The following RAP2A variants were observed in gnomAD, a reference collection of about 807,000 sequenced individuals.
RAP2A encodes RAP2A, member of RAS oncogene family.
RAP2A carries 5 observed loss-of-function variants against 15.1 expected under a neutral mutation model. The ratio of observed to expected loss-of-function variants is 0.33; its 90% CI spans 0.17 to 0.70. The LOEUF is 0.70. RAP2A is among the 30% of genes least tolerant of loss of function. The pLI is 0.68. For missense variants in RAP2A, 111 were observed against 240.3 expected (o/e 0.46, Z 3.56); for synonymous variants, 110 against 99.7 (o/e 1.10, Z -0.62).
chr13:97,464,096 G>A (rs1350043431), intron 1 of RAP2A, 109 bp from the exon 2 acceptor site: 2 of 942,740 alleles, frequency 2.1e-6, no homozygotes, highest in South Asian at 1.5e-5. Context: ...TCATGCAACT[G>A]AAGATACCAT....
At chr13:97,444,874 A>C (rs74105466) in intron 1 of RAP2A, among the ~76,000 whole-genome samples, 5,112 of 152,250 alleles carry the variant, frequency 0.034, 280 homozygotes, top group African/African-American at 0.12. Context: ...TAGTCTCTTC[A>C]GGCTGCTATA....
At chr13:97,461,967 A>T (rs1274686793) in intron 1 of RAP2A, among the ~76,000 whole-genome samples, 9 of 138,572 alleles carry the variant, frequency 6.5e-5, no homozygotes, top group Non-Finnish European at 1.1e-4. Flanking sequence ...CGTCTCAAAA[A>T]AAAAATATAT....
At chr13:97,451,753 G>T (rs1463948367) in intron 1 of RAP2A, among the ~76,000 whole-genome samples, 1 of 149,494 alleles carries the variant, frequency 6.7e-6, no homozygotes, top group African/African-American at 2.5e-5. Context: ...CAAAGTAGTT[G>T]TAAACAGCAA....
Position 97,466,122 on chromosome 13 carries a change from TTTAAATTA to T in RAP2A, c.*1686_*1693del, listed in dbSNP as rs1415109283. On this transcript the variant is annotated 3_prime_UTR_variant, in exon 2 of 2. Transcript: ENST00000245304. The stretch of plus-strand genomic sequence containing the variant: ...TATAGTGTATCAAAAACTTTTTTCT[TTTAAATTA>T]TTAAAGTGTCTTTTATACTTTTATG... 1.3e-5 allele frequency: 2 copies of T among 152,162 alleles called. No individual in the cohort carries two copies. Among genetic ancestry groups the T allele is most frequent in the Non-Finnish European group, 2.9e-5 (2 of 68,034 alleles). 9.4% of individuals were successfully genotyped at this position (152,162 alleles called of 1,614,324 possible). A position where few individuals can be genotyped will look rare whatever the true frequency, so the allele number is the denominator to read the frequency against.
intron 1 of RAP2A, among the ~76,000 whole-genome samples, chr13:97,458,166 C>G (rs1265255743): frequency 2.0e-5 from 3 of 152,032 alleles, no homozygotes; most frequent in African/African-American, 4.8e-5. Context: ...GACGTTTTGC[C>G]TTGGGACTCT....
intron 1 of RAP2A, among the ~76,000 whole-genome samples, chr13:97,459,138 T>G (rs1034657470): frequency 6.6e-6 from 1 of 152,322 alleles, no homozygotes; most frequent in East Asian, 1.9e-4. Flanking sequence ...TGGTGAGATA[T>G]CTGCTGATGT....
intron 1 of RAP2A, among the ~76,000 whole-genome samples, chr13:97,462,579 A>G (rs1345025244): frequency 1.3e-5 from 2 of 152,218 alleles, no homozygotes; most frequent in Non-Finnish European, 2.9e-5. Context: ...AAGGCCCGAA[A>G]TCGTAAGGTA....
At chr13:97,439,230 A>G (rs1281296008) in intron 1 of RAP2A, among the ~76,000 whole-genome samples, 1 of 152,240 alleles carries the variant, frequency 6.6e-6, no homozygotes, top group African/African-American at 2.4e-5. Flanking sequence ...TTGATCATGT[A>G]GTCAAGGACC....
At chr13:97,457,141 CT>C (rs1566474752) in intron 1 of RAP2A, among the ~76,000 whole-genome samples, 1 of 151,944 alleles carries the variant, frequency 6.6e-6, no homozygotes, top group Non-Finnish European at 1.5e-5. Context: ...TTCACTGAAA[CT>C]TTGTGTGTGT....
chr13:97,459,810 CTTG>C (rs1282016981), intron 1 of RAP2A, among the ~76,000 whole-genome samples: 1 of 152,172 alleles, frequency 6.6e-6, no homozygotes, highest in Non-Finnish European at 1.5e-5. Context: ...CCAGAATTGA[CTTG>C]TTATGTTTAT....
chr13:97,457,945 A>T (rs1358971937), intron 1 of RAP2A, among the ~76,000 whole-genome samples: 1 of 152,176 alleles, frequency 6.6e-6, no homozygotes, highest in Non-Finnish European at 1.5e-5. Flanking sequence ...AGAATCTATG[A>T]GAAGAAGGGG....
chr13:97,452,992 A>G (rs946786155), intron 1 of RAP2A, among the ~76,000 whole-genome samples: 12 of 150,260 alleles, frequency 8.0e-5, no homozygotes, highest in Non-Finnish European at 1.5e-4. Context: ...GGTATCCACA[A>G]CCCTTACTTT....
At position 97,466,961 on chromosome 13, in the gene RAP2A, G is replaced by T. The variant is rs2066774640; in HGVS notation, c.*2519G>T. 1 of 152,286 alleles carries T rather than the reference G, an allele frequency of 6.6e-6. No homozygotes were observed. Among genetic ancestry groups the T allele is most frequent in the African/African-American group, 2.4e-5 (1 of 41,440 alleles). The allele number at this position is 152,286 out of a possible 1,614,324, so 9.4% of individuals were successfully genotyped here. On this transcript the variant is annotated 3_prime_UTR_variant, in exon 2 of 2. Transcript: ENST00000245304. ...GTAATAAAACACTTAAGAACAGGAA[G>T]ATTACATTTGTTGGCATACGAAACC...
chr13:97,442,729 C>CT (rs1469392294), intron 1 of RAP2A, among the ~76,000 whole-genome samples: 1 of 152,116 alleles, frequency 6.6e-6, no homozygotes, highest in Non-Finnish European at 1.5e-5. Context: ...CATTTTTACT[C>CT]TAAGAAAACT....
chr13:97,441,784 G>C (rs888319478), intron 1 of RAP2A: 1 of 450,378 alleles, frequency 2.2e-6, no homozygotes. Flanking sequence ...GTTGTAAAAA[G>C]AGTTTTAAGT....
chr13:97,460,124 T>G (rs1468571650), intron 1 of RAP2A, among the ~76,000 whole-genome samples: 1 of 152,192 alleles, frequency 6.6e-6, no homozygotes, highest in African/African-American at 2.4e-5. Flanking sequence ...TGCTGTTGAG[T>G]CAGAGCATGC....
intron 1 of RAP2A, among the ~76,000 whole-genome samples, chr13:97,449,965 GTTTTT>G (rs897670375): frequency 6.9e-6 from 1 of 144,318 alleles, no homozygotes; most frequent in Non-Finnish European, 1.5e-5. Context: ...AGTGTTTGGG[GTTTTT>G]TTTTTTTAAG....
intron 1 of RAP2A, among the ~76,000 whole-genome samples, chr13:97,453,856 T>C (rs1207137078): frequency 1.3e-5 from 2 of 151,206 alleles, no homozygotes; most frequent in African/African-American, 4.9e-5. Context: ...AGCATTTTAG[T>C]GTTGTCACTA....
rs1443425903 is a variant in RAP2A, at chr13:97,468,362, CG to C, written c.*3921del. The stretch of plus-strand genomic sequence containing the variant: ...AGGCCTTCTAGTGATGGCTTGAAGC[CG>C]TCTTTCTGTTTTCAGGTCATGTGGA... On this transcript the variant is annotated 3_prime_UTR_variant, in exon 2 of 2. Transcript: ENST00000245304. 1 of 152,158 alleles carries C rather than the reference CG, an allele frequency of 6.6e-6. No individual in the cohort carries two copies. Among genetic ancestry groups the C allele is most frequent in the African/African-American group, 2.4e-5 (1 of 41,428 alleles). The allele number at this position is 152,158 out of a possible 1,614,324, so 9.4% of individuals were successfully genotyped here.
Sources: gnomAD v4.1 joint callset for allele counts (sites outside exome capture counted in the v4.1 genomes callset) on GRCh38, gnomAD v4.1.1 for gene constraint, MANE v1.5 for transcripts, NCBI Gene and HGNC (gene_info 2026-07-23, HGNC 2026-07-21) for gene names.